Variants in PTPRN2 observed in about 807,000 individuals in gnomAD.
PTPRN2 encodes the protein receptor-type tyrosine-protein phosphatase N2.
Under a neutral mutation model 118.8 loss-of-function variants are expected in PTPRN2, and 74 were observed. The ratio of observed to expected loss-of-function variants is 0.62; its 90% CI spans 0.52 to 0.76. PTPRN2 has a LOEUF of 0.76. Among genes scored for constraint, PTPRN2 ranks in the 30% least tolerant of loss-of-function variants. The pLI is 0.00. For missense variants in PTPRN2, 1,481 were observed against 1,394.4 expected, an observed-to-expected ratio of 1.06 and a Z score of -0.99; for synonymous variants, 641 against 608.0, an observed-to-expected ratio of 1.05 and a Z score of -0.80.
intron 2 of PTPRN2, among the ~76,000 whole-genome samples, chr7:158,326,461 C>A (rs1803529097): frequency 6.6e-6 from 1 of 152,244 alleles, no homozygotes; most frequent in Non-Finnish European, 1.5e-5. Context: ...TACACGTGTG[C>A]ACAATACACA....
intron 1 of PTPRN2, among the ~76,000 whole-genome samples, chr7:158,507,026 A>T (rs933493865): frequency 1.2e-4 from 19 of 152,206 alleles, no homozygotes; most frequent in African/African-American, 3.1e-4. Context: ...CAGCTGAGGA[A>T]CATCAGGAGG....
At chr7:158,139,518 C>T (rs745368908) in intron 6 of PTPRN2, among the ~76,000 whole-genome samples, 29 of 152,018 alleles carry the variant, frequency 1.9e-4, no homozygotes, top group Non-Finnish European at 4.0e-4. Context: ...GAACCAGAAA[C>T]ACCTGAAAGA....
intron 2 of PTPRN2, among the ~76,000 whole-genome samples, chr7:158,380,067 T>C (rs766424163): frequency 2.0e-5 from 3 of 152,130 alleles, no homozygotes; most frequent in Non-Finnish European, 2.9e-5. Context: ...CCACAACATA[T>C]GGGAATTATG....
At chr7:157,991,065 T>G (rs1804221347) in intron 11 of PTPRN2, among the ~76,000 whole-genome samples, 1 of 152,114 alleles carries the variant, frequency 6.6e-6, no homozygotes, top group African/African-American at 2.4e-5. Context: ...GGGGTGTGGA[T>G]GCAGGGGCAC....
rs113629540 is a variant in PTPRN2 at position 157,674,264 on chromosome 7, C to T, written c.2001+8461G>A. ...GCCTGGGAGAGAAGAGACAGCCAGG[C>T]GGCGAGGGACTTGTCCTGTGGAGGC... On this transcript the variant is annotated intron_variant, in intron 13 of 22. Transcript: ENST00000389418. The surrounding 1 kb of genome is among the most constrained non-coding windows in gnomAD (Gnocchi z 4.5). Among the ~76,000 whole-genome samples, 2,641 of 152,192 alleles carry T rather than the reference C, an allele frequency of 0.017. 86 individuals are homozygous for T. Among genetic ancestry groups the T allele is most frequent in the African/African-American group, 0.061 (2,539 of 41,522 alleles).
intron 14 of PTPRN2, among the ~76,000 whole-genome samples, chr7:157,648,963 C>T (rs1360576364): frequency 1.4e-5 from 2 of 147,190 alleles, no homozygotes; most frequent in African/African-American, 2.5e-5. Flanking sequence ...GTGCACTGAA[C>T]TCGGTGGGTC....
rs1297420681 is a variant in PTPRN2, at chr7:157,621,309, C to A, written c.2344+53G>T. On this transcript the variant is annotated intron_variant, in intron 15 of 22. Transcript: ENST00000389418. ...GCCTGGTATGTACAGGTCAGCACGG[C>A]CAGTTTCCACCGCCCGTAACCCAGG... The A allele has an allele frequency of 1.9e-6, 3 of 1,579,330 alleles. No homozygotes were observed. The East Asian group carries it at 6.8e-5, about 36-fold the overall frequency.
chr7:157,759,650 G>T (rs1043345362), intron 12 of PTPRN2, among the ~76,000 whole-genome samples: 1 of 152,256 alleles, frequency 6.6e-6, no homozygotes, highest in Non-Finnish European at 1.5e-5. Context: ...ATCTTCAGCG[G>T]TTGCTGTTAT....
chr7:158,271,222 T>C (rs1218110187), intron 3 of PTPRN2, among the ~76,000 whole-genome samples: 2 of 152,078 alleles, frequency 1.3e-5, no homozygotes, highest in Non-Finnish European at 2.9e-5. Context: ...TCTTGTGTTG[T>C]GAATGCAGCG....
chr7:158,136,579 T>C (rs374628340), intron 8 of PTPRN2, 76 bp downstream of exon 8: 3 of 1,438,034 alleles, frequency 2.1e-6, no homozygotes, highest in African/African-American at 2.8e-5. Context: ...ATTTCATAAA[T>C]GTTCCCACAC....
intron 12 of PTPRN2, among the ~76,000 whole-genome samples, chr7:157,797,999 C>G (rs560203770): frequency 5.9e-5 from 9 of 152,346 alleles, no homozygotes; most frequent in African/African-American, 1.9e-4. Flanking sequence ...TGGCTCATGC[C>G]TGTAATCCCG....
chr7:158,408,165 G>A (rs1199383520), intron 2 of PTPRN2, among the ~76,000 whole-genome samples: 1 of 152,164 alleles, frequency 6.6e-6, no homozygotes, highest in Non-Finnish European at 1.5e-5. Flanking sequence ...AGAAACACAC[G>A]AGATCCTGTG....
chr7:158,209,416 C>A (rs988486721), intron 3 of PTPRN2, among the ~76,000 whole-genome samples: 4 of 151,954 alleles, frequency 2.6e-5, no homozygotes, highest in Non-Finnish European at 4.4e-5. Flanking sequence ...TTGTATCAGA[C>A]AAAATAGATT....
chr7:158,127,782 G>A (rs1817820474), intron 9 of PTPRN2, among the ~76,000 whole-genome samples: 1 of 152,146 alleles, frequency 6.6e-6, no homozygotes, highest in African/African-American at 2.4e-5. Flanking sequence ...GAGAGGTAAG[G>A]GGCTCCCTCC....
At chr7:158,165,177 C>T (rs1179426293) in intron 6 of PTPRN2, among the ~76,000 whole-genome samples, 1 of 151,904 alleles carries the variant, frequency 6.6e-6, no homozygotes, top group African/African-American at 2.4e-5. Context: ...GTGTCTAGTA[C>T]CCACGAAAGT....
chr7:157,576,577 G>T (rs770667891), intron 19 of PTPRN2, 36 bp downstream of exon 19: 41 of 1,575,620 alleles, frequency 2.6e-5, no homozygotes, highest in Non-Finnish European at 2.9e-5. Flanking sequence ...CGCGCGCTCA[G>T]CGCGCACTGC....
chr7:157,577,913 C>G, intron 18 of PTPRN2, 108 bp downstream of exon 18: 2 of 1,371,648 alleles, frequency 1.5e-6, no homozygotes, highest in Non-Finnish European at 9.7e-7. Flanking sequence ...CGCTGAGCCT[C>G]CCTGCATGCG....
chr7:157,640,962 T>TG (rs1486954205), intron 14 of PTPRN2, among the ~76,000 whole-genome samples: 1 of 152,058 alleles, frequency 6.6e-6, no homozygotes, highest in African/African-American at 2.4e-5. Flanking sequence ...GGAATGGTGA[T>TG]GGGGGGAGAG....
Position 157,622,883 on chromosome 7 carries a change from G to C in PTPRN2, c.2197-1374C>G, listed in dbSNP as rs147590980. 6.6e-6 allele frequency among the ~76,000 whole-genome samples: 1 copy of C among 152,142 alleles called. No individual in the cohort carries two copies. The highest frequency in any genetic ancestry group is 6.5e-5 in the Admixed American group (1 of 15,278). Reference sequence around the variant, plus strand: ...GCACCGACTGCCTGCTCCACGCAGCGAACGCTTTTCCCCCACCACACCTTG... The same window carrying C: ...GCACCGACTGCCTGCTCCACGCAGCCAACGCTTTTCCCCCACCACACCTTG... On this transcript the variant is annotated intron_variant, in intron 14 of 22. Coordinates refer to ENST00000389418, the MANE Select transcript of PTPRN2 (RefSeq NM_002847.5). This position sits in a 1 kb window ranked among gnomAD's most constrained non-coding sequence, Gnocchi z 5.3.
Sources: gnomAD v4.1 joint callset for allele counts (sites outside exome capture counted in the v4.1 genomes callset) on GRCh38, gnomAD v4.1.1 for gene constraint, Gnocchi (gnomAD v3.1) non-coding constraint, MANE v1.5 for transcripts, NCBI Gene and HGNC (gene_info 2026-07-23, HGNC 2026-07-21) for gene names.